Variants in HPSE2 observed in about 807,000 individuals in gnomAD.
HPSE2 encodes the protein inactive heparanase-2.
Under a neutral mutation model 60.5 loss-of-function variants are expected in HPSE2, and 38 were observed. That is an observed-to-expected ratio of 0.63 (90% CI 0.48 to 0.82). The LOEUF is 0.82. Among genes scored for constraint, HPSE2 ranks in the 40% least tolerant of loss-of-function variants. The pLI, the probability that HPSE2 is intolerant of heterozygous loss-of-function variation, is 0.00. For synonymous variants in HPSE2, 295 were observed against 293.2 expected (o/e 1.01, Z -0.06); for missense variants, 713 against 740.4 (o/e 0.96, Z 0.43).
chr10:98,651,526 A>G (rs1444585499), intron 6 of HPSE2, among the ~76,000 whole-genome samples: 1 of 152,208 alleles, frequency 6.6e-6, no homozygotes, highest in African/African-American at 2.4e-5. Context: ...TTTCTTTTAA[A>G]AAATTTCAAG....
intron 3 of HPSE2, among the ~76,000 whole-genome samples, chr10:99,044,141 G>T (rs1957803149): frequency 6.6e-6 from 1 of 152,170 alleles, no homozygotes; most frequent in African/African-American, 2.4e-5. Context: ...AACCCCATCA[G>T]GCTAACAGGA....
At chr10:98,505,146 T>A (rs1942159053) in intron 9 of HPSE2, among the ~76,000 whole-genome samples, 1 of 152,206 alleles carries the variant, frequency 6.6e-6, no homozygotes, top group Non-Finnish European at 1.5e-5. Context: ...AGCAATGTGG[T>A]TTTGAAATTC....
intron 2 of HPSE2, among the ~76,000 whole-genome samples, chr10:99,211,174 A>G (rs548786554): frequency 1.3e-5 from 2 of 151,836 alleles, no homozygotes; most frequent in East Asian, 3.9e-4. Flanking sequence ...AATAGCTTTT[A>G]CAAAAAAAAA....
At chr10:99,265,957 A>G in the HPSE2 span, among the ~76,000 whole-genome samples, 3 of 152,228 alleles carry the variant, frequency 2.0e-5, no homozygotes, top group East Asian at 5.8e-4. Flanking sequence ...GGGTAGAAGA[A>G]GCAGCAAGAA....
intron 3 of HPSE2, among the ~76,000 whole-genome samples, chr10:99,142,608 C>T (rs190139481): frequency 1.9e-4 from 29 of 152,268 alleles, no homozygotes; most frequent in African/African-American, 6.0e-4. Context: ...AGAGGCTCTT[C>T]TCTAGGGTAA....
chr10:98,509,227 T>C (rs1405271062), intron 9 of HPSE2, among the ~76,000 whole-genome samples: 1 of 151,858 alleles, frequency 6.6e-6, no homozygotes, highest in Non-Finnish European at 1.5e-5. Flanking sequence ...GGCAGGAGAA[T>C]CACTTGAACC....
intron 3 of HPSE2, among the ~76,000 whole-genome samples, chr10:98,763,121 T>TA (rs562340811): frequency 1.2e-4 from 18 of 150,470 alleles, no homozygotes; most frequent in Non-Finnish European, 2.4e-4. Context: ...TCAATAAACT[T>TA]AAAGATAAAA....
intron 7 of HPSE2, among the ~76,000 whole-genome samples, chr10:98,628,982 C>A (rs1456341858): frequency 6.6e-6 from 1 of 152,126 alleles, no homozygotes; most frequent in East Asian, 1.9e-4. Context: ...TTTGGGCTTC[C>A]TTTTCCTGTG....
chr10:98,510,625 C>T (rs1021152391), intron 9 of HPSE2, among the ~76,000 whole-genome samples: 10 of 152,196 alleles, frequency 6.6e-5, no homozygotes, highest in African/African-American at 1.9e-4. Context: ...GGGGAAACTG[C>T]GTTGTGGCCC....
At chr10:98,675,776 T>C (rs149088330) in intron 6 of HPSE2, among the ~76,000 whole-genome samples, 171 of 152,266 alleles carry the variant, frequency 1.1e-3, no homozygotes, top group Admixed American at 2.2e-3. Flanking sequence ...AGGGTTGTCC[T>C]GTAATTCTAG....
intron 3 of HPSE2, among the ~76,000 whole-genome samples, chr10:99,130,519 T>C (rs1435051807): frequency 1.3e-5 from 2 of 152,120 alleles, no homozygotes; most frequent in Non-Finnish European, 2.9e-5. Context: ...AGGCCACACT[T>C]TGAGATGAAT....
chr10:98,509,755 C>T (rs1942326004), intron 9 of HPSE2, among the ~76,000 whole-genome samples: 1 of 152,140 alleles, frequency 6.6e-6, no homozygotes, highest in Non-Finnish European at 1.5e-5. Flanking sequence ...CCGCCTCAGC[C>T]TCCCAAAGTG....
chr10:98,731,414 C>G (rs1212780192), intron 4 of HPSE2, among the ~76,000 whole-genome samples: 2 of 152,196 alleles, frequency 1.3e-5, no homozygotes, highest in African/African-American at 4.8e-5. Flanking sequence ...GTATTATACA[C>G]TATGACCAAG....
At position 99,083,324 on chromosome 10, in the gene HPSE2, T is replaced by C. The variant is rs369264322; in HGVS notation, c.610+60914A>G. Among the ~76,000 whole-genome samples, 15 of 152,330 alleles carry C rather than the reference T, an allele frequency of 9.8e-5. No individual in the cohort carries two copies. In the East Asian group the frequency reaches 2.7e-3, roughly 27 times the overall value. ...GATTCTCCTACTCTATAGACTTTCA[T>C]GAAAAGAGTATCCATCTTTCTAACA... On this transcript the variant is annotated intron_variant, in intron 3 of 11. Coordinates refer to ENST00000370552, the MANE Select transcript of HPSE2 (RefSeq NM_021828.5).
chr10:98,735,017 A>G (rs1190343732), intron 4 of HPSE2, among the ~76,000 whole-genome samples: 3 of 152,094 alleles, frequency 2.0e-5, no homozygotes, highest in African/African-American at 7.2e-5. Flanking sequence ...ACTGAAATCC[A>G]TAGTCTACAT....
At chr10:98,742,172 G>A (rs1426642834) in intron 4 of HPSE2, among the ~76,000 whole-genome samples, 1 of 152,044 alleles carries the variant, frequency 6.6e-6, no homozygotes, top group Non-Finnish European at 1.5e-5. Flanking sequence ...CTACAGTCAT[G>A]GTATCCTGAG....
intron 3 of HPSE2, among the ~76,000 whole-genome samples, chr10:98,876,472 T>A (rs1952880499): frequency 6.6e-6 from 1 of 151,928 alleles, no homozygotes; most frequent in African/African-American, 2.4e-5. Context: ...GCACATGGCA[T>A]GCACTCCATA....
At chr10:98,489,167 A>G (rs1166544606) in intron 10 of HPSE2, among the ~76,000 whole-genome samples, 1 of 152,154 alleles carries the variant, frequency 6.6e-6, no homozygotes, top group Non-Finnish European at 1.5e-5. Context: ...GAGAAAGAGA[A>G]AGAATTATAT....
intron 4 of HPSE2, among the ~76,000 whole-genome samples, chr10:98,734,551 TA>T (rs869311911): frequency 9.1e-6 from 1 of 109,322 alleles, no homozygotes; most frequent in Non-Finnish European, 2.4e-5. Context: ...TTGGCCATCC[TA>T]GTAAGTGTGA....
Sources: gnomAD v4.1 joint callset for allele counts (sites outside exome capture counted in the v4.1 genomes callset) on GRCh38, gnomAD v4.1.1 for gene constraint, MANE v1.5 for transcripts, NCBI Gene and HGNC (gene_info 2026-07-23, HGNC 2026-07-21) for gene names.